ZC3H7A: variants seen among roughly 807,000 people sequenced by gnomAD.
ZC3H7A encodes the protein zinc finger CCCH domain-containing protein 7A.
Under a neutral mutation model 125.5 loss-of-function variants are expected in ZC3H7A, and 44 were observed. The ratio of observed to expected loss-of-function variants is 0.35; its 90% CI spans 0.28 to 0.45. The LOEUF (loss-of-function observed/expected upper bound fraction) is 0.45. Ranked by LOEUF, ZC3H7A falls within the 20% of genes least tolerant of loss-of-function variation. The pLI is 1.00. For synonymous variants in ZC3H7A, 399 were observed against 391.2 expected, an observed-to-expected ratio of 1.02 and a Z score of -0.23; for missense variants, 977 against 1,170.7, an observed-to-expected ratio of 0.83 and a Z score of 2.41.
intron 19 of ZC3H7A, among the ~76,000 whole-genome samples, chr16:11,760,184 A>G (rs920078221): frequency 6.6e-5 from 10 of 151,250 alleles, no homozygotes; most frequent in African/African-American, 1.2e-4. Flanking sequence ...ATGGCAGGGG[A>G]AAAAAAAGAG....
intron 1 of ZC3H7A, among the ~76,000 whole-genome samples, chr16:11,794,887 TG>T (rs1210989905): frequency 5.3e-5 from 8 of 152,138 alleles, no homozygotes; most frequent in Non-Finnish European, 1.2e-4. Context: ...ATCTGGGGAA[TG>T]GGAAGGAAAG....
At position 11,770,807 on chromosome 16, in the gene ZC3H7A, A is replaced by G; in HGVS notation, c.1084T>C (p.Phe362Leu). The stretch of plus-strand genomic sequence containing the variant: ...CCTCGTTTGGATTCACTCATTGAAA[A>G]TGAATTTAAAGAAGAACAAAAATCT... The part of the protein sequence containing the change: ...LEDFCSSLNS[F>L]SMSESKRDLS... Residue 362 changes from phenylalanine (F) to leucine (L), a missense_variant, in exon 10 of 23, where the codon TTT becomes CTT. Around this residue, in one of 3 missense-constraint regions of ZC3H7A, gnomAD observed 342 missense variants for 311.3 expected, o/e 1.10. Coordinates refer to ENST00000355758, the MANE Select transcript of ZC3H7A (RefSeq NM_014153.4). The G allele has an allele frequency of 6.2e-7, 1 of 1,613,854 alleles. No homozygotes were observed. Among genetic ancestry groups the G allele is most frequent in the Non-Finnish European group, 8.5e-7 (1 of 1,179,878 alleles).
chr16:11,781,818 TAG>T (rs1029195646), intron 2 of ZC3H7A, among the ~76,000 whole-genome samples: 33 of 152,236 alleles, frequency 2.2e-4, no homozygotes, highest in African/African-American at 7.7e-4. Context: ...TACTGCAGTA[TAG>T]AGAGAATGTC....
chr16:11,763,164 G>C lies in ZC3H7A; in HGVS notation c.2002+314C>G, dbSNP rs2052781270. On this transcript the variant is annotated intron_variant, in intron 16 of 22. Coordinates refer to ENST00000355758, the MANE Select transcript of ZC3H7A (RefSeq NM_014153.4). ...ATGTTATCACCCAGACTGGAGCGTA[G>C]TGTTGTGATCCTGGCCCACTGCAAC... 6 of 250,834 alleles carry C rather than the reference G, an allele frequency of 2.4e-5. No homozygotes were observed. In the South Asian group the frequency reaches 5.5e-4, roughly 23 times the overall value. 15.5% of individuals were successfully genotyped at this position (250,834 alleles called of 1,614,324 possible).
rs544055814 is a variant in ZC3H7A at position 11,776,596 on chromosome 16, A to C, written c.466-64T>G. ...TTACTAATGGTGAAGAAGAATAGAC[A>C]AAACAGGGAAGTTTCCCATCAAGAC... On this transcript the variant is annotated intron_variant, in intron 5 of 22. Coordinates refer to ENST00000355758, the MANE Select transcript of ZC3H7A (RefSeq NM_014153.4). The C allele has an allele frequency of 9.5e-5, 144 of 1,519,862 alleles. No homozygotes were observed. The African/African-American group carries it at 1.8e-3, about 19-fold the overall frequency. 94.1% of individuals were successfully genotyped at this position (1,519,862 alleles called of 1,614,324 possible). A position where few individuals can be genotyped will look rare whatever the true frequency, so the allele number is the denominator to read the frequency against.
intron 1 of ZC3H7A, among the ~76,000 whole-genome samples, chr16:11,790,844 C>A (rs995465177): frequency 6.6e-5 from 10 of 151,492 alleles, no homozygotes. Flanking sequence ...CCACTGCACT[C>A]CAGCCTGGGC....
chr16:11,783,209 A>G (rs1418231529), intron 1 of ZC3H7A, among the ~76,000 whole-genome samples: 1 of 152,212 alleles, frequency 6.6e-6, no homozygotes, highest in Non-Finnish European at 1.5e-5. Flanking sequence ...ACAAACTTCC[A>G]AAATGATTAT....
intron 3 of ZC3H7A, among the ~76,000 whole-genome samples, chr16:11,780,116 T>C (rs1288199770): frequency 6.8e-6 from 1 of 147,624 alleles, no homozygotes; most frequent in Non-Finnish European, 1.5e-5. Context: ...TTTAGTTCTT[T>C]TTTTTCTTTT....
chr16:11,754,321 A>AAAAAAT (rs763451215), intron 21 of ZC3H7A, among the ~76,000 whole-genome samples: 3 of 140,454 alleles, frequency 2.1e-5, no homozygotes, highest in African/African-American at 7.8e-5. Context: ...AAGAAAAAAA[A>AAAAAAT]ATATATATAT....
In ZC3H7A at chr16:11,751,037, T is replaced by C. The variant is rs2052545339; in HGVS notation, c.*280A>G. The C allele has an allele frequency of 1.1e-5, 3 of 280,994 alleles. No homozygotes were observed. Among genetic ancestry groups the C allele is most frequent in the South Asian group, 7.2e-5 (1 of 13,826 alleles). The allele number at this position is 280,994 out of a possible 1,614,324, so 17.4% of individuals were successfully genotyped here. A position where few individuals can be genotyped will look rare whatever the true frequency, so the allele number is the denominator to read the frequency against. On this transcript the variant is annotated 3_prime_UTR_variant, in exon 23 of 23. Coordinates refer to ENST00000355758, the MANE Select transcript of ZC3H7A (RefSeq NM_014153.4). ...CCAACTCAAAGAGTTGTCCTAGATA[T>C]AACCTTATCCTCTTCCCCAACACAC... is the stretch of plus-strand genomic sequence containing the variant.
intron 1 of ZC3H7A, among the ~76,000 whole-genome samples, chr16:11,794,004 C>A (rs2053393876): frequency 6.6e-6 from 1 of 152,212 alleles, no homozygotes; most frequent in Non-Finnish European, 1.5e-5. Flanking sequence ...TGCGAAGAGG[C>A]TCCGCCTGCC....
At chr16:11,762,801 C>A (rs775313019) in intron 16 of ZC3H7A, 54 bp from the exon 17 acceptor site, 6 of 1,570,804 alleles carry the variant, frequency 3.8e-6, no homozygotes, top group Non-Finnish European at 4.4e-6. Flanking sequence ...CAACAGCCCA[C>A]CAATCTGGGT....
Position 11,765,211 on chromosome 16 carries a change from G to T in ZC3H7A, c.1720-58C>A. The stretch of plus-strand genomic sequence containing the variant: ...ATACAAAATATAAATTTTGTACCCA[G>T]AATATTGTCCTAGTTTCAATATCAT... On this transcript the variant is annotated intron_variant, in intron 14 of 22. Coordinates refer to ENST00000355758, the MANE Select transcript of ZC3H7A (RefSeq NM_014153.4). The surrounding 1 kb of genome is among the most constrained non-coding windows in gnomAD (Gnocchi z 4.8). 1 of 1,108,608 alleles carries T rather than the reference G, an allele frequency of 9.0e-7. No individual in the cohort carries two copies. Among genetic ancestry groups the T allele is most frequent in the Non-Finnish European group, 1.3e-6 (1 of 791,638 alleles). 68.7% of individuals were successfully genotyped at this position (1,108,608 alleles called of 1,614,324 possible).
chr16:11,774,481 A>T lies in ZC3H7A; in HGVS notation c.658T>A (p.Ser220Thr). 1.9e-6 allele frequency: 3 copies of T among 1,578,278 alleles called. No individual in the cohort carries two copies. The highest frequency in any genetic ancestry group is 1.7e-4 in the Middle Eastern group (1 of 5,902). The stretch of plus-strand genomic sequence containing the variant: ...TGAGAAAAACTGGGTGCCGGTAAAG[A>T]GACAACAGGAACTGCTTCTTGCCTT... ...TPRQEAVPVVSLPAPSFSHEV... is the reference protein window; with the variant it reads ...TPRQEAVPVVTLPAPSFSHEV... The change falls in exon 9 of 23, where the codon TCT becomes ACT. Residue 220 changes from serine (S) to threonine (T), a missense_variant. By Grantham distance (58) the Ser-to-Thr change is moderately conservative. Around this residue, in one of 3 missense-constraint regions of ZC3H7A, gnomAD observed 342 missense variants for 311.3 expected, o/e 1.10. Transcript: ENST00000355758.
At chr16:11,767,817 T>C (rs914223003) in intron 12 of ZC3H7A, among the ~76,000 whole-genome samples, 1 of 152,210 alleles carries the variant, frequency 6.6e-6, no homozygotes, top group Non-Finnish European at 1.5e-5. Flanking sequence ...TACCCTTACT[T>C]AACTTTAGGG....
rs1444246390 is a variant in ZC3H7A at position 11,750,884 on chromosome 16, T to G, written c.*433A>C. The G allele has an allele frequency of 2.0e-5, 3 of 153,678 alleles. No homozygotes were observed. The highest frequency in any genetic ancestry group is 7.2e-5 in the African/African-American group (3 of 41,476). 9.5% of individuals were successfully genotyped at this position (153,678 alleles called of 1,614,324 possible). ...TCCTTTTTAGCAACCTACATACAGA[T>G]AAGTAGCAAACTTTATTATATTAAA... is the stretch of plus-strand genomic sequence containing the variant. On this transcript the variant is annotated 3_prime_UTR_variant, in exon 23 of 23. Transcript: ENST00000355758.
chr16:11,791,159 C>A lies in ZC3H7A; in HGVS notation c.-35+5965G>T, dbSNP rs187489664. 7.3e-5 allele frequency among the ~76,000 whole-genome samples: 11 copies of A among 150,222 alleles called. No individual in the cohort carries two copies. The East Asian group carries it at 2.2e-3, about 30-fold the overall frequency. Reference sequence around the variant, plus strand: ...CCAATGCTTGCACTCTGCTTAAGACCCTTCAGCAGTTGCTTGGGACGCTGG... The same window carrying A: ...CCAATGCTTGCACTCTGCTTAAGACACTTCAGCAGTTGCTTGGGACGCTGG... On this transcript the variant is annotated intron_variant, in intron 1 of 22. Transcript: ENST00000355758.
At chr16:11,780,229 T>C (rs1470599766) in intron 3 of ZC3H7A, among the ~76,000 whole-genome samples, 1 of 151,840 alleles carries the variant, frequency 6.6e-6, no homozygotes, top group Non-Finnish European at 1.5e-5. Context: ...CAAGTGATTC[T>C]CGTGTCTTAG....
chr16:11,761,683 T>G, intron 18 of ZC3H7A, 172 bp from the exon 19 acceptor site: 1 of 827,210 alleles, frequency 1.2e-6, no homozygotes, highest in South Asian at 1.9e-5. Flanking sequence ...TTACAAACAC[T>G]CCCTACAAAC....
Sources: allele counts gnomAD v4.1 joint callset (sites outside exome capture counted in the v4.1 genomes callset), GRCh38; gene constraint gnomAD v4.1.1; regional missense constraint gnomAD v4.1.1; non-coding constraint Gnocchi (gnomAD v3.1); transcripts MANE v1.5; gene names NCBI Gene and HGNC (gene_info 2026-07-23, HGNC 2026-07-21).